The following TIA1 variants were observed in gnomAD, a reference collection of about 807,000 sequenced individuals.
TIA1 encodes the protein cytotoxic granule associated RNA binding protein TIA1.
In TIA1, 23 loss-of-function variants were observed where a neutral mutation model predicts 65.9. That is an observed-to-expected ratio of 0.35 (90% confidence interval 0.25 to 0.49). TIA1 has a LOEUF of 0.49. Among genes scored for constraint, TIA1 ranks in the 20% least tolerant of loss-of-function variants. The probability of loss-of-function intolerance (pLI) is 0.98; values close to 1 mark genes in which losing one functional copy is unlikely to be tolerated. For synonymous variants in TIA1, 147 were observed against 149.4 expected (o/e 0.98, Z 0.12); for missense variants, 371 against 477.9 (o/e 0.78, Z 2.09).
At position 70,224,270 on chromosome 2, in the gene TIA1, G is replaced by C. The variant is rs2166451; in HGVS notation, c.474+284C>G. On this transcript the variant is annotated intron_variant, in intron 7 of 12. Coordinates refer to ENST00000433529, the MANE Select transcript of TIA1 (RefSeq NM_022173.4). ...TAAACTACCATGGGAATATAAACTA[G>C]GGAGATAATGAATTAAATCCATAAA... 0.39 allele frequency among the ~76,000 whole-genome samples: 59,488 copies of C among 151,950 alleles called. 12,203 individuals carry two copies. Among genetic ancestry groups the C allele is most frequent in the East Asian group, 0.49 (2,551 of 5,164 alleles).
At chr2:70,239,513 A>G (rs1251877989) in intron 1 of TIA1, among the ~76,000 whole-genome samples, 1 of 152,202 alleles carries the variant, frequency 6.6e-6, no homozygotes, top group Non-Finnish European at 1.5e-5. Context: ...CCAGAATGGT[A>G]GTTTCTCATT....
chr2:70,246,260 T>C (rs1344140799), intron 1 of TIA1, among the ~76,000 whole-genome samples: 1 of 152,226 alleles, frequency 6.6e-6, no homozygotes, highest in Non-Finnish European at 1.5e-5. Context: ...TATTGATTAC[T>C]TACCATGGAC....
chr2:70,231,291 G>A (rs1390607128), intron 2 of TIA1, among the ~76,000 whole-genome samples: 1 of 152,120 alleles, frequency 6.6e-6, no homozygotes, highest in Non-Finnish European at 1.5e-5. Context: ...GACAGAGCAA[G>A]ACTCCGTCTC....
At chr2:70,215,524 T>C (rs767282908) in intron 10 of TIA1, 30 bp from the exon 11 acceptor site, 8 of 1,570,286 alleles carry the variant, frequency 5.1e-6, no homozygotes, top group Non-Finnish European at 6.9e-6. Flanking sequence ...GAATCACCAA[T>C]ACAAATTCTT....
chr2:70,242,212 C>G (rs1000868783), intron 1 of TIA1, among the ~76,000 whole-genome samples: 1 of 152,062 alleles, frequency 6.6e-6, no homozygotes, highest in Non-Finnish European at 1.5e-5. Flanking sequence ...TGTGTCTACT[C>G]TCACCTGACT....
At chr2:70,248,742 T>G (rs1387374836), upstream of TIA1, 1 of 406,852 alleles carries the variant, frequency 2.5e-6, no homozygotes, top group Non-Finnish European at 4.4e-6. Context: ...TAGGTTCACT[T>G]GTTGCGCAGC....
In TIA1 at chr2:70,224,349, C is replaced by T. The variant is rs145112497; in HGVS notation, c.474+205G>A. Reference sequence around the variant, plus strand: ...ATAATTTAAACAACTTTACTTTCTACATTCTGAAAACATCTTATCAGTACT... The same window carrying T: ...ATAATTTAAACAACTTTACTTTCTATATTCTGAAAACATCTTATCAGTACT... On this transcript the variant is annotated intron_variant, in intron 7 of 12. Coordinates refer to ENST00000433529, the MANE Select transcript of TIA1 (RefSeq NM_022173.4). 3.1e-5 allele frequency: 18 copies of T among 584,644 alleles called. No individual in the cohort carries two copies. In the East Asian group the frequency reaches 5.3e-4, roughly 17 times the overall value. The allele number at this position is 584,644 out of a possible 1,614,324, so 36.2% of individuals were successfully genotyped here.
Position 70,215,822 on chromosome 2 carries a change from C to A in TIA1, c.765-328G>T, listed in dbSNP as rs188733396. Among the ~76,000 whole-genome samples, 10 of 152,102 alleles carry A rather than the reference C, an allele frequency of 6.6e-5. No individual in the cohort carries two copies. The East Asian group carries it at 1.9e-3, about 29-fold the overall frequency. ...GAGTGCAGTGATTGTGATCTTGGCT[C>A]ACTGCAACCTCCACCTCCTGGGTTC... On this transcript the variant is annotated intron_variant, in intron 10 of 12. Coordinates refer to ENST00000433529, the MANE Select transcript of TIA1 (RefSeq NM_022173.4).
At chr2:70,228,785 T>C in intron 5 of TIA1, 1 of 1,345,662 alleles carries the variant, frequency 7.4e-7, no homozygotes, top group Admixed American at 3.4e-5. Context: ...AATGGTGACC[T>C]CAAGAAAGGA....
At chr2:70,222,137 A>G (rs1681691722) in intron 7 of TIA1, among the ~76,000 whole-genome samples, 2 of 136,546 alleles carry the variant, frequency 1.5e-5, no homozygotes, top group Admixed American at 1.4e-4. Flanking sequence ...AAACAAAACA[A>G]AACAAACAAA....
In TIA1 at chr2:70,210,088, C is replaced by G. The variant is rs946815125; in HGVS notation, c.*2631G>C. Reference sequence around the variant, plus strand: ...GTGTTAAACAGTAACCCAATATAAACCACTGATTCTGGAATAAGATTAAAA... The same window carrying G: ...GTGTTAAACAGTAACCCAATATAAAGCACTGATTCTGGAATAAGATTAAAA... On this transcript the variant is annotated 3_prime_UTR_variant, in exon 13 of 13. Coordinates refer to ENST00000433529, the MANE Select transcript of TIA1 (RefSeq NM_022173.4). 4 of 193,700 alleles carry G rather than the reference C, an allele frequency of 2.1e-5. No individual in the cohort carries two copies. Among genetic ancestry groups the G allele is most frequent in the Non-Finnish European group, 4.1e-5 (4 of 96,688 alleles). 12.0% of individuals were successfully genotyped at this position (193,700 alleles called of 1,614,324 possible). A position where few individuals can be genotyped will look rare whatever the true frequency, so the allele number is the denominator to read the frequency against.
At chr2:70,221,249 C>T (rs1456162943) in intron 7 of TIA1, among the ~76,000 whole-genome samples, 1 of 152,042 alleles carries the variant, frequency 6.6e-6, no homozygotes, top group Non-Finnish European at 1.5e-5. Context: ...TCATGATCTG[C>T]TTGCCTCGGC....
In TIA1 at chr2:70,214,371, C is replaced by T; in HGVS notation, c.1012G>A (p.Ala338Thr). The change falls in exon 12 of 13, where the codon GCA becomes ACA. Residue 338 changes from alanine to threonine, a missense_variant. By Grantham distance (58) the Ala-to-Thr change is moderately conservative. Coordinates refer to ENST00000433529, the MANE Select transcript of TIA1 (RefSeq NM_022173.4). The part of the protein sequence containing the change: ...QVPAYGMYGQ[A>T]WNQQGFNQTQ... ...TACTTAAATCCTTGCTGGTTCCATGCCTGGCCATACATTCCATATGCAGGA... is the reference window on the plus strand; with the variant it reads ...TACTTAAATCCTTGCTGGTTCCATGTCTGGCCATACATTCCATATGCAGGA... 1 of 1,613,012 alleles carries T rather than the reference C, an allele frequency of 6.2e-7. No homozygotes were observed. The highest frequency in any genetic ancestry group is 1.7e-5 in the Admixed American group (1 of 59,828).
At chr2:70,236,940 T>C (rs1689254511) in intron 1 of TIA1, among the ~76,000 whole-genome samples, 1 of 152,180 alleles carries the variant, frequency 6.6e-6, no homozygotes, top group Non-Finnish European at 1.5e-5. Flanking sequence ...AGCCCTTGAT[T>C]TACCATTTTT....
chr2:70,230,714 T>G (rs1685890585), intron 3 of TIA1, 42 bp downstream of exon 3: 1 of 1,434,236 alleles, frequency 7.0e-7, no homozygotes, highest in African/African-American at 1.5e-5. Context: ...ATAACTTAAA[T>G]TTTTTCAGTG....
chr2:70,235,937 C>G (rs1182882935), intron 2 of TIA1, 142 bp downstream of exon 2: 1 of 474,856 alleles, frequency 2.1e-6, no homozygotes, highest in East Asian at 3.5e-5. Context: ...ATATGGTAAA[C>G]TAAGACTATA....
At chr2:70,220,409 G>C (rs562762909) in intron 7 of TIA1, among the ~76,000 whole-genome samples, 86 of 149,472 alleles carry the variant, frequency 5.8e-4, no homozygotes, top group Non-Finnish European at 1.0e-3. Context: ...GTCCTGTCTC[G>C]AAAAAAAAAG....
At chr2:70,233,829 C>T (rs983245489) in intron 2 of TIA1, among the ~76,000 whole-genome samples, 7 of 151,646 alleles carry the variant, frequency 4.6e-5, no homozygotes, top group Admixed American at 1.3e-4. Context: ...ATATGCTTTA[C>T]TTAATTTATA....
intron 1 of TIA1, among the ~76,000 whole-genome samples, chr2:70,244,806 GC>G (rs1437017939): frequency 1.6e-5 from 2 of 125,700 alleles, no homozygotes; most frequent in Non-Finnish European, 3.1e-5. Context: ...CTGCATTCCA[GC>G]CTGGGTGACA....
Sources: gnomAD v4.1 joint callset for allele counts (sites outside exome capture counted in the v4.1 genomes callset) on GRCh38, gnomAD v4.1.1 for gene constraint, MANE v1.5 for transcripts, NCBI Gene and HGNC (gene_info 2026-07-23, HGNC 2026-07-21) for gene names.